Variants in EXOC4 observed in about 807,000 individuals in gnomAD.
EXOC4 encodes SEC8-like 1.
EXOC4 carries 71 observed loss-of-function variants against 107.2 expected under a neutral mutation model. That is an observed-to-expected ratio of 0.66 (90% CI 0.55 to 0.81). The LOEUF is 0.81. EXOC4 is among the 30% of genes least tolerant of loss of function. The probability of loss-of-function intolerance (pLI) is 0.00; values close to 1 mark genes in which losing one functional copy is unlikely to be tolerated. For synonymous variants in EXOC4, 456 were observed against 441.2 expected (o/e 1.03, Z -0.42); for missense variants, 1,108 against 1,189.6 (o/e 0.93, Z 1.01).
Position 133,483,751 on chromosome 7 carries a change from G to C in EXOC4, c.1417+3613G>C, listed in dbSNP as rs376724215. ...GATGGTGTTTCATTCAGGAGGAAAA[G>C]TTTCTCTGATGAATGCTTTTAACAT... On this transcript the variant is annotated intron_variant, in intron 9 of 17. Transcript: ENST00000253861. 8.7e-4 allele frequency among the ~76,000 whole-genome samples: 132 copies of C among 152,330 alleles called. 5 individuals are homozygous for C. In the South Asian group the frequency reaches 0.027, roughly 31 times the overall value.
chr7:133,851,280 C>CA, intron 11 of EXOC4, among the ~76,000 whole-genome samples: 1 of 152,086 alleles, frequency 6.6e-6, no homozygotes, highest in Non-Finnish European at 1.5e-5. Flanking sequence ...CTCTAGTAGT[C>CA]AAAAATGTTA....
At chr7:134,021,174 A>G (rs77572550) in intron 17 of EXOC4, among the ~76,000 whole-genome samples, 10 of 152,326 alleles carry the variant, frequency 6.6e-5, no homozygotes, top group Non-Finnish European at 1.3e-4. Context: ...ATTAGCTCCC[A>G]TCCAATTCCA....
intron 2 of EXOC4, among the ~76,000 whole-genome samples, chr7:133,284,311 A>G (rs1257336464): frequency 2.0e-5 from 3 of 152,146 alleles, no homozygotes; most frequent in Non-Finnish European, 4.4e-5. Flanking sequence ...TGTATAACAT[A>G]AGATTTATTT....
intron 9 of EXOC4, among the ~76,000 whole-genome samples, chr7:133,618,659 T>C (rs2151003643): frequency 6.6e-6 from 1 of 152,288 alleles, no homozygotes; most frequent in South Asian, 2.1e-4. Context: ...TTAACCTTTT[T>C]TCTATTGGTT....
chr7:133,590,527 C>G (rs1801517255), intron 9 of EXOC4, among the ~76,000 whole-genome samples: 1 of 152,048 alleles, frequency 6.6e-6, no homozygotes. Context: ...CATCCTGTAC[C>G]CATAAAAACC....
intron 3 of EXOC4, among the ~76,000 whole-genome samples, chr7:133,293,780 C>T (rs150176525): frequency 1.2e-4 from 18 of 152,266 alleles, no homozygotes; most frequent in African/African-American, 2.4e-4. Context: ...TCAAGGTAAA[C>T]AGCTGCTGTT....
intron 14 of EXOC4, among the ~76,000 whole-genome samples, chr7:133,941,962 T>C (rs1254409550): frequency 6.6e-6 from 1 of 151,948 alleles, no homozygotes; most frequent in Non-Finnish European, 1.5e-5. Flanking sequence ...GATCCCTAAA[T>C]AAAGACTCCA....
chr7:133,630,294 A>G, intron 10 of EXOC4, 153 bp downstream of exon 10: 3 of 583,342 alleles, frequency 5.1e-6, no homozygotes, highest in Non-Finnish European at 9.1e-6. Context: ...TAGTCAGTTT[A>G]GCAGATAATC....
At chr7:133,802,000 T>C (rs958434232) in intron 10 of EXOC4, among the ~76,000 whole-genome samples, 12 of 152,214 alleles carry the variant, frequency 7.9e-5, no homozygotes, top group Admixed American at 5.9e-4. Context: ...AACTTAGTTA[T>C]AAAAAATAAG....
chr7:133,269,654 G>C (rs1036174044), intron 1 of EXOC4, among the ~76,000 whole-genome samples: 1 of 152,192 alleles, frequency 6.6e-6, no homozygotes, highest in African/African-American at 2.4e-5. Flanking sequence ...GAGTTGACTT[G>C]TCAGCACTTA....
intron 17 of EXOC4, among the ~76,000 whole-genome samples, chr7:134,046,553 A>ATT (rs749917061): frequency 2.8e-5 from 4 of 143,078 alleles, no homozygotes; most frequent in African/African-American, 7.7e-5. Flanking sequence ...ATTTTATTTG[A>ATT]TTTTTTTTTT....
intron 17 of EXOC4, among the ~76,000 whole-genome samples, chr7:134,036,444 T>C (rs1001431670): frequency 6.6e-6 from 1 of 152,044 alleles, no homozygotes; most frequent in African/African-American, 2.4e-5. Context: ...AAAAATTATC[T>C]GGGTGTGGTG....
At chr7:133,779,805 C>T (rs1292550475) in intron 10 of EXOC4, among the ~76,000 whole-genome samples, 1 of 152,076 alleles carries the variant, frequency 6.6e-6, no homozygotes, top group African/African-American at 2.4e-5. Flanking sequence ...AATCAGCTCT[C>T]TGTAAAATGG....
chr7:133,365,597 C>T (rs1220545258), intron 6 of EXOC4, among the ~76,000 whole-genome samples: 2 of 152,134 alleles, frequency 1.3e-5, no homozygotes, highest in Non-Finnish European at 2.9e-5. Flanking sequence ...TTTTTTCTTG[C>T]TCTTTTCATA....
chr7:133,777,295 G>GAGAGAAAGAGAA (rs1796366750), intron 10 of EXOC4, among the ~76,000 whole-genome samples: 1 of 4,846 alleles, frequency 2.1e-4, no homozygotes, highest in Non-Finnish European at 4.9e-4. Flanking sequence ...GAGAGAGAGA[G>GAGAGAAAGAGAA]AGAGAGAGAG....
intron 9 of EXOC4, among the ~76,000 whole-genome samples, chr7:133,609,423 A>G (rs899001130): frequency 2.6e-5 from 4 of 152,196 alleles, no homozygotes; most frequent in Non-Finnish European, 5.9e-5. Context: ...TGAGTTGGAA[A>G]ATAATTTTCT....
the EXOC4 span, among the ~76,000 whole-genome samples, chr7:134,098,096 G>A: frequency 6.6e-6 from 1 of 152,160 alleles, no homozygotes; most frequent in Non-Finnish European, 1.5e-5. Context: ...CAAAGAAATA[G>A]CACCTGATGT....
intron 10 of EXOC4, among the ~76,000 whole-genome samples, chr7:133,787,968 TATATATATATATA>T (rs1796619923): frequency 4.7e-5 from 1 of 21,330 alleles, no homozygotes; most frequent in Non-Finnish European, 9.6e-5. Context: ...TATATTTATA[TATATATATATATA>T]TATATATATA....
intron 10 of EXOC4, among the ~76,000 whole-genome samples, chr7:133,743,987 T>C (rs1795623251): frequency 6.6e-6 from 1 of 152,158 alleles, no homozygotes; most frequent in Non-Finnish European, 1.5e-5. Context: ...GATTTCATTT[T>C]TTATGTTCAT....
Sources: allele counts gnomAD v4.1 joint callset (sites outside exome capture counted in the v4.1 genomes callset), GRCh38; gene constraint gnomAD v4.1.1; transcripts MANE v1.5; gene names NCBI Gene and HGNC (gene_info 2026-07-23, HGNC 2026-07-21).